Variants in DNAH17 observed in about 807,000 individuals in gnomAD.
The protein encoded by DNAH17 is dynein axonemal heavy chain 17.
In DNAH17, 376 loss-of-function variants were observed where a neutral mutation model predicts 485.6. That is an observed-to-expected ratio of 0.77 (90% confidence interval 0.71 to 0.84). DNAH17 has a LOEUF of 0.84. DNAH17 is among the 40% of genes least tolerant of loss of function. The pLI, the probability that DNAH17 is intolerant of heterozygous loss-of-function variation, is 0.00. For missense variants in DNAH17, 6,370 were observed against 5,839.3 expected, an observed-to-expected ratio of 1.09 and a Z score of -2.96; for synonymous variants, 3,031 against 2,405.9, an observed-to-expected ratio of 1.26 and a Z score of -7.60.
In DNAH17 at chr17:78,485,971, C is replaced by T. The variant is rs1239896218; in HGVS notation, c.7264G>A (p.Val2422Ile). 6.2e-7 allele frequency: 1 copy of T among 1,612,090 alleles called. No homozygotes were observed. The highest frequency in any genetic ancestry group is 8.5e-7 in the Non-Finnish European group (1 of 1,179,630). Residue 2422 changes from valine (V) to isoleucine (I), a missense_variant, in exon 46 of 81, where the codon GTC (valine) becomes ATC (isoleucine). Physicochemically the swap from Val to Ile is conservative, Grantham distance 29 (BLOSUM62 3). Transcript: ENST00000389840. ...TTGGGGACAGTTACCTGCAGTGGGA[C>T]ATCGGGATCCAGCTCAAAGGAGGGC... The part of the protein sequence containing the change: ...KVPSFELDPD[V>I]PLQASLVHTT...
chr17:78,571,200 T>C (rs1470854150), intron 5 of DNAH17, 79 bp downstream of exon 5: 1 of 1,373,170 alleles, frequency 7.3e-7, no homozygotes, highest in Non-Finnish European at 1.0e-6. Context: ...CATCCTAGGG[T>C]TGGTGACAAG....
chr17:78,430,223 G>A (rs772903412), intron 75 of DNAH17, among the ~76,000 whole-genome samples: 1 of 152,198 alleles, frequency 6.6e-6, no homozygotes, highest in Non-Finnish European at 1.5e-5. Flanking sequence ...GCAGAAGGAC[G>A]GTGGGAGCCA....
At position 78,452,203 on chromosome 17, in the gene DNAH17, C is replaced by T. The variant is rs1312022625; in HGVS notation, c.10530-530G>A. 1.1e-4 allele frequency among the ~76,000 whole-genome samples: 16 copies of T among 147,910 alleles called. No individual in the cohort carries two copies. In the East Asian group the frequency reaches 3.1e-3, roughly 29 times the overall value. ...AGGACCTCTGCATATTGATTTGCCA[C>T]CTCCTGGGTTCTGGGTTTCTGCATG... On this transcript the variant is annotated intron_variant, in intron 65 of 80. Coordinates refer to ENST00000389840, the MANE Select transcript of DNAH17 (RefSeq NM_173628.4).
chr17:78,442,736 G>A lies in DNAH17; in HGVS notation c.11529-1537C>T, dbSNP rs114702086. On this transcript the variant is annotated intron_variant, in intron 71 of 80. Transcript: ENST00000389840. ...GCAGACCCCGGCAACTAGTGCAACC[G>A]GCCACAGAGGAAGCACTTACGCCAT... Among the ~76,000 whole-genome samples, 1,112 of 152,308 alleles carry A rather than the reference G, an allele frequency of 7.3e-3. 15 individuals carry two copies. The highest frequency in any genetic ancestry group is 0.025 in the African/African-American group (1,028 of 41,558).
At position 78,444,589 on chromosome 17, in the gene DNAH17, CG is replaced by C. The variant is rs2087203385; in HGVS notation, c.11528+14del. 1 of 1,538,220 alleles carries C rather than the reference CG, an allele frequency of 6.5e-7. No homozygotes were observed. The highest frequency in any genetic ancestry group is 1.4e-5 in the African/African-American group (1 of 72,004). ...GGCCTCGGGGGCGGGGCCCCCGGCGCGGCGGGACACTCACTTGATAGCGTAG... is the reference window on the plus strand; with the variant it reads ...GGCCTCGGGGGCGGGGCCCCCGGCGCGCGGGACACTCACTTGATAGCGTAG... On this transcript the variant is annotated intron_variant, in intron 71 of 80. Transcript: ENST00000389840.
chr17:78,509,403 G>A (rs2090572349), intron 27 of DNAH17, among the ~76,000 whole-genome samples: 1 of 152,188 alleles, frequency 6.6e-6, no homozygotes, highest in African/African-American at 2.4e-5. Flanking sequence ...ATAGGCAGGA[G>A]CCCCCACCCT....
chr17:78,563,389 T>C (rs1331111458), intron 11 of DNAH17, among the ~76,000 whole-genome samples: 1 of 150,830 alleles, frequency 6.6e-6, no homozygotes, highest in Non-Finnish European at 1.5e-5. Flanking sequence ...AGCATTGACA[T>C]GGGGCAGTTG....
rs746280991 is a variant in DNAH17 at position 78,428,509 on chromosome 17, G to A, written c.12588+16C>T. ...TCCCCCTTCCTCTCGCTTGGGAGCA[G>A]TTTCAAAGATCCTGCCTTCTCCTCG... On this transcript the variant is annotated intron_variant, in intron 77 of 80. Transcript: ENST00000389840. 2 of 1,580,672 alleles carry A rather than the reference G, an allele frequency of 1.3e-6. No individual in the cohort carries two copies. Among genetic ancestry groups the A allele is most frequent in the Non-Finnish European group, 1.7e-6 (2 of 1,163,498 alleles).
Position 78,567,052 on chromosome 17 carries a change from G to A in DNAH17, c.1399C>T (p.Leu467=), listed in dbSNP as rs770477825. Residue 467 remains leucine (L), a synonymous_variant, in exon 10 of 81, where the codon CTG becomes TTG. Transcript: ENST00000389840. ...TTGCAGTCGGCAAAAACCTTCACCA[G>A]CTCAAAGACCTCATCATAGATACGG... ...VTRIYDEVFE[L]VKVFADCKYD... 12 of 1,613,640 alleles carry A rather than the reference G, an allele frequency of 7.4e-6. No homozygotes were observed. In the East Asian group the frequency reaches 2.5e-4, roughly 33 times the overall value.
Position 78,437,676 on chromosome 17 carries a change from C to G in DNAH17, c.11998G>C (p.Ala4000Pro). ...ITNEPPTGMHANLHKALDLFT... is the reference protein window; with the variant it reads ...ITNEPPTGMHPNLHKALDLFT... ...AGGTCCAGGGCCTTGTGCAAGTTGG[C>G]GTGCATGCCCGTGGGGGGCTCGTTG... is the stretch of plus-strand genomic sequence containing the variant. Residue 4000 changes from alanine (A) to proline (P), a missense_variant, in exon 74 of 81, where the codon GCC becomes CCC. By Grantham distance (27) the Ala-to-Pro change is conservative. Coordinates refer to ENST00000389840, the MANE Select transcript of DNAH17 (RefSeq NM_173628.4). The G allele has an allele frequency of 6.2e-7, 1 of 1,611,078 alleles. No individual in the cohort carries two copies.
rs201908159 is a variant in DNAH17, at chr17:78,476,735, T to C, written c.7993-2A>G. The C allele has an allele frequency of 3.7e-6, 6 of 1,610,844 alleles. No individual in the cohort carries two copies. Among genetic ancestry groups the C allele is most frequent in the Non-Finnish European group, 5.1e-6 (6 of 1,178,596 alleles). Reference sequence around the variant, plus strand: ...TTCTGCTGTGGAAAATAAGAGTCCCTGCCCCAAACACAGGATGATCAGCAC... The same window carrying C: ...TTCTGCTGTGGAAAATAAGAGTCCCCGCCCCAAACACAGGATGATCAGCAC... On this transcript the variant is annotated splice_acceptor_variant, in intron 51 of 80. Transcript: ENST00000389840. LOFTEE classifies it high-confidence loss of function.
intron 70 of DNAH17, among the ~76,000 whole-genome samples, chr17:78,445,094 G>GGAC (rs1568060151): frequency 6.6e-6 from 1 of 151,970 alleles, no homozygotes; most frequent in Non-Finnish European, 1.5e-5. Context: ...CTAGCTCAGG[G>GGAC]GACGACCTTC....
intron 75 of DNAH17, among the ~76,000 whole-genome samples, chr17:78,429,840 C>G (rs776364804): frequency 6.6e-6 from 1 of 152,212 alleles, no homozygotes; most frequent in African/African-American, 2.4e-5. Context: ...AGTCTCCCTT[C>G]CACCCTGTGG....
intron 52 of DNAH17, 56 bp from the exon 53 acceptor site, chr17:78,475,889 G>GAT: frequency 6.3e-7 from 1 of 1,577,632 alleles, no homozygotes; most frequent in Non-Finnish European, 8.6e-7. Flanking sequence ...TGACCACACA[G>GAT]ATAGTTAACA....
At chr17:78,562,345 G>A (rs2092175024) in intron 11 of DNAH17, among the ~76,000 whole-genome samples, 1 of 152,134 alleles carries the variant, frequency 6.6e-6, no homozygotes, top group South Asian at 2.1e-4. Flanking sequence ...ACACTTTGAG[G>A]GGCCGAGGCG....
intron 14 of DNAH17, among the ~76,000 whole-genome samples, chr17:78,555,497 G>T (rs2091999920): frequency 7.1e-6 from 1 of 141,488 alleles, no homozygotes; most frequent in Non-Finnish European, 1.5e-5. Context: ...ATCAGAATCT[G>T]GGGAGCCCTG....
intron 64 of DNAH17, 121 bp downstream of exon 64, chr17:78,454,349 A>T: frequency 1.4e-6 from 1 of 731,668 alleles, no homozygotes; most frequent in Non-Finnish European, 2.2e-6. Flanking sequence ...GGCCAGATTT[A>T]AAACCTGTGG....
intron 14 of DNAH17, among the ~76,000 whole-genome samples, chr17:78,555,794 G>C (rs1410800960): frequency 6.6e-6 from 1 of 152,190 alleles, no homozygotes; most frequent in East Asian, 1.9e-4. Context: ...TCCCCAGTGT[G>C]GGTGGGTCTC....
intron 69 of DNAH17, among the ~76,000 whole-genome samples, chr17:78,446,173 CA>C (rs1157464118): frequency 0.059 from 3,326 of 56,812 alleles, 17 homozygotes; most frequent in Middle Eastern, 0.12. Flanking sequence ...GACTCTGTCT[CA>C]AAAAAAAAAA....
Sources: gnomAD v4.1 joint callset for allele counts (sites outside exome capture counted in the v4.1 genomes callset) on GRCh38, gnomAD v4.1.1 for gene constraint, MANE v1.5 for transcripts, NCBI Gene and HGNC (gene_info 2026-07-23, HGNC 2026-07-21) for gene names.